Variants in CTNND2 observed in about 807,000 individuals in gnomAD.
The protein encoded by CTNND2 is catenin delta 2.
A neutral mutation model predicts 144.4 loss-of-function variants in CTNND2; 22 were observed. The observed-to-expected ratio is 0.15, with a 90% CI of 0.11 to 0.22. The LOEUF is 0.22. CTNND2 is among the 10% of genes least tolerant of loss of function. The pLI, the probability that CTNND2 is intolerant of heterozygous loss-of-function variation, is 1.00. For synonymous variants in CTNND2, 751 were observed against 695.6 expected (o/e 1.08, Z -1.25); for missense variants, 1,353 against 1,618.8 (o/e 0.84, Z 2.82).
chr5:11,821,912 T>C (rs989290955), intron 1 of CTNND2, among the ~76,000 whole-genome samples: 8 of 152,094 alleles, frequency 5.3e-5, no homozygotes, highest in Non-Finnish European at 1.5e-5. Context: ...GCCCAGCAAA[T>C]ATGTCCCCCA....
chr5:11,290,931 G>A (rs145497698), intron 9 of CTNND2, among the ~76,000 whole-genome samples: 2 of 152,296 alleles, frequency 1.3e-5, no homozygotes, highest in East Asian at 1.9e-4. Context: ...TAATTAAACC[G>A]TTGATTTTAG....
chr5:11,053,269 CA>C (rs1197020069), intron 16 of CTNND2, among the ~76,000 whole-genome samples: 2 of 151,982 alleles, frequency 1.3e-5, no homozygotes, highest in African/African-American at 4.8e-5. Flanking sequence ...AAGTTTGAGA[CA>C]AAAATAAAAA....
At chr5:11,022,740 C>G in intron 17 of CTNND2, 29 bp downstream of exon 17, 1 of 1,582,908 alleles carries the variant, frequency 6.3e-7, no homozygotes, top group Non-Finnish European at 8.7e-7. Context: ...TTTACCAGGA[C>G]AGAGATATGG....
At chr5:11,097,637 GT>G (rs1329999535) in intron 15 of CTNND2, among the ~76,000 whole-genome samples, 2 of 152,180 alleles carry the variant, frequency 1.3e-5, no homozygotes, top group Non-Finnish European at 2.9e-5. Flanking sequence ...AAAGGGGAGG[GT>G]GTAGTTACAT....
chr5:11,844,949 G>GC, intron 1 of CTNND2, among the ~76,000 whole-genome samples: 1 of 152,206 alleles, frequency 6.6e-6, no homozygotes, highest in South Asian at 2.1e-4. Context: ...GGCGGAGGGG[G>GC]GCAGGGGGGC....
At chr5:11,732,323 G>C (rs770302838) in intron 1 of CTNND2, 51 bp from the exon 2 acceptor site, 2 of 1,562,124 alleles carry the variant, frequency 1.3e-6, no homozygotes, top group South Asian at 2.3e-5. Flanking sequence ...ACACTAAACA[G>C]GTACAACTAT....
intron 18 of CTNND2, among the ~76,000 whole-genome samples, chr5:11,001,188 C>G (rs1739923841): frequency 6.6e-6 from 1 of 152,154 alleles, no homozygotes; most frequent in Non-Finnish European, 1.5e-5. Context: ...TATGACATAG[C>G]AGGGCACCTT....
chr5:11,693,962 T>A (rs35034783), intron 2 of CTNND2, among the ~76,000 whole-genome samples: 1 of 152,242 alleles, frequency 6.6e-6, no homozygotes, highest in Non-Finnish European at 1.5e-5. Context: ...TTATATATTG[T>A]TGATTCATGA....
At chr5:11,114,190 G>T (rs1445175743) in intron 13 of CTNND2, among the ~76,000 whole-genome samples, 1 of 152,150 alleles carries the variant, frequency 6.6e-6, no homozygotes, top group African/African-American at 2.4e-5. Flanking sequence ...TTACATCAAA[G>T]ACTTGGGAGA....
intron 16 of CTNND2, among the ~76,000 whole-genome samples, chr5:11,028,220 T>C (rs1201688233): frequency 6.6e-6 from 1 of 152,190 alleles, no homozygotes; most frequent in Admixed American, 6.5e-5. Flanking sequence ...GAAGGTCAGC[T>C]GGACTGGAGA....
At chr5:11,040,416 C>T (rs370427855) in intron 16 of CTNND2, among the ~76,000 whole-genome samples, 94 of 152,226 alleles carry the variant, frequency 6.2e-4, no homozygotes, top group African/African-American at 1.8e-3. Flanking sequence ...TTATGGCATA[C>T]GGTATGCATT....
chr5:11,117,860 C>G lies in CTNND2; in HGVS notation c.2160-293G>C, dbSNP rs549625831. Among the ~76,000 whole-genome samples the G allele has an allele frequency of 2.0e-5, 3 of 152,274 alleles. No homozygotes were observed. The East Asian group carries it at 5.8e-4, about 29-fold the overall frequency. On this transcript the variant is annotated intron_variant, in intron 12 of 21. Transcript: ENST00000304623. ...GGGTGGGGGACCTTCAGAAAGTCTT[C>G]TAGGTTTACTCCATGTACAATCAGA...
chr5:11,725,126 C>A (rs1198172027), intron 2 of CTNND2, among the ~76,000 whole-genome samples: 1 of 152,208 alleles, frequency 6.6e-6, no homozygotes, highest in Non-Finnish European at 1.5e-5. Context: ...TTTATGATTG[C>A]AGCCCAGTGA....
At chr5:11,056,066 G>A (rs1561234205) in intron 16 of CTNND2, among the ~76,000 whole-genome samples, 1 of 152,196 alleles carries the variant, frequency 6.6e-6, no homozygotes, top group African/African-American at 2.4e-5. Context: ...CAGTGACCTG[G>A]ATCACGGAGA....
chr5:11,470,392 C>G (rs1032163322), intron 3 of CTNND2, among the ~76,000 whole-genome samples: 2 of 152,036 alleles, frequency 1.3e-5, no homozygotes, highest in African/African-American at 4.8e-5. Flanking sequence ...GAGATTGTGC[C>G]ATTGCACTCC....
intron 2 of CTNND2, among the ~76,000 whole-genome samples, chr5:11,644,328 A>G (rs1409796387): frequency 6.6e-6 from 1 of 152,198 alleles, no homozygotes; most frequent in Non-Finnish European, 1.5e-5. Flanking sequence ...TCTAGAAATT[A>G]CAACAGTAAT....
At chr5:11,894,065 A>G (rs1162809931) in intron 1 of CTNND2, among the ~76,000 whole-genome samples, 1 of 151,674 alleles carries the variant, frequency 6.6e-6, no homozygotes, top group Non-Finnish European at 1.5e-5. Context: ...GGCAGACTAC[A>G]GTTAGAGCGA....
intron 14 of CTNND2, among the ~76,000 whole-genome samples, chr5:11,104,332 A>G (rs61755683): frequency 0.017 from 2,615 of 152,318 alleles, 55 homozygotes; most frequent in Admixed American, 0.045. Flanking sequence ...ACATTGCAAA[A>G]TGTAGGAAGA....
intron 3 of CTNND2, among the ~76,000 whole-genome samples, chr5:11,548,927 A>C (rs766303725): frequency 2.6e-5 from 4 of 152,248 alleles, no homozygotes; most frequent in Non-Finnish European, 4.4e-5. Context: ...ATGCTAGTTC[A>C]TTAGCCAAAC....
Sources: gnomAD v4.1 joint callset for allele counts (sites outside exome capture counted in the v4.1 genomes callset) on GRCh38, gnomAD v4.1.1 for gene constraint, MANE v1.5 for transcripts, NCBI Gene and HGNC (gene_info 2026-07-23, HGNC 2026-07-21) for gene names.